MCF2L: variants seen among roughly 807,000 people sequenced by gnomAD.
The protein encoded by MCF2L is guanine nucleotide exchange factor DBS.
In MCF2L, 97 loss-of-function variants were observed where a neutral mutation model predicts 153.4. That is an observed-to-expected ratio of 0.63 (90% confidence interval 0.54 to 0.75). MCF2L has a LOEUF of 0.75. MCF2L is among the 30% of genes least tolerant of loss of function. The pLI, the probability that MCF2L is intolerant of heterozygous loss-of-function variation, is 0.00. For missense variants in MCF2L, 1,347 were observed against 1,495.2 expected (o/e 0.90, Z 1.64); for synonymous variants, 659 against 632.2 (o/e 1.04, Z -0.64).
intron 1 of MCF2L, among the ~76,000 whole-genome samples, chr13:112,996,706 G>GT (rs1489224345): frequency 1.3e-5 from 2 of 152,222 alleles, no homozygotes; most frequent in Non-Finnish European, 2.9e-5. Flanking sequence ...CCTCAGATGG[G>GT]TTCATGGCCC....
chr13:112,912,771 A>C (rs754867214), intron 2 of MCF2L, among the ~76,000 whole-genome samples: 3 of 148,392 alleles, frequency 2.0e-5, no homozygotes, highest in Non-Finnish European at 4.4e-5. Flanking sequence ...TGTGTGTCAC[A>C]TGTCTGTGTG....
chr13:113,065,340 T>C (rs1175435547), intron 7 of MCF2L: 3 of 513,708 alleles, frequency 5.8e-6, no homozygotes, highest in Non-Finnish European at 1.0e-5. Flanking sequence ...CATTCTGGCG[T>C]TGGGTCAACC....
At chr13:113,061,373 G>A (rs1473671546) in intron 5 of MCF2L, among the ~76,000 whole-genome samples, 2 of 152,132 alleles carry the variant, frequency 1.3e-5, no homozygotes, top group Non-Finnish European at 2.9e-5. Flanking sequence ...GAGCTGTGTA[G>A]CTCCCCCGGA....
At chr13:113,005,106 C>T (rs562911112) in intron 1 of MCF2L, among the ~76,000 whole-genome samples, 10 of 152,246 alleles carry the variant, frequency 6.6e-5, no homozygotes, top group South Asian at 6.2e-4. Context: ...TGGATGGGCG[C>T]GTGAAGATGA....
At chr13:113,021,773 G>T (rs1053720635) in intron 2 of MCF2L, among the ~76,000 whole-genome samples, 1 of 152,182 alleles carries the variant, frequency 6.6e-6, no homozygotes, top group Non-Finnish European at 1.5e-5. Context: ...GAGCTTTGGC[G>T]CCTGCTTTTC....
Position 113,070,263 on chromosome 13 carries a change from C to G in MCF2L, c.996+90C>G. 3 of 818,582 alleles carry G rather than the reference C, an allele frequency of 3.7e-6. No individual in the cohort carries two copies. Among genetic ancestry groups the G allele is most frequent in the South Asian group, 4.1e-5 (2 of 49,258 alleles). 50.7% of individuals were successfully genotyped at this position (818,582 alleles called of 1,614,324 possible). A position where few individuals can be genotyped will look rare whatever the true frequency, so the allele number is the denominator to read the frequency against. Reference sequence around the variant, plus strand: ...CTGGTCCCAGTGCCGGGAGCTGAGCCGTGCCACCCAGTTGACTTTGGCTTA... The same window carrying G: ...CTGGTCCCAGTGCCGGGAGCTGAGCGGTGCCACCCAGTTGACTTTGGCTTA... On this transcript the variant is annotated intron_variant, in intron 9 of 29. Transcript: ENST00000535094. This position sits in a 1 kb window ranked among gnomAD's most constrained non-coding sequence, Gnocchi z 5.6.
At chr13:112,958,655 G>A (rs1295777265) in intron 2 of MCF2L, among the ~76,000 whole-genome samples, 8 of 152,152 alleles carry the variant, frequency 5.3e-5, no homozygotes, top group Non-Finnish European at 7.3e-5. Flanking sequence ...CAGGCTGACC[G>A]CATGGACCAT....
chr13:113,003,365 G>T, intron 1 of MCF2L, among the ~76,000 whole-genome samples: 1 of 151,152 alleles, frequency 6.6e-6, no homozygotes, highest in South Asian at 2.1e-4. Context: ...TTTGGGGTGA[G>T]TAGGGGCAGG....
At chr13:112,903,832 T>C (rs1414974971) in intron 2 of MCF2L, among the ~76,000 whole-genome samples, 2 of 152,138 alleles carry the variant, frequency 1.3e-5, no homozygotes, top group Admixed American at 1.3e-4. Flanking sequence ...TGAGAAACCC[T>C]GTGAGCGAGG....
At position 113,077,045 on chromosome 13, in the gene MCF2L, G is replaced by T; in HGVS notation, c.1501-7G>T. On this transcript the variant is annotated splice_region_variant and splice_polypyrimidine_tract_variant and intron_variant, in intron 12 of 29. Coordinates refer to ENST00000535094, the MANE Select transcript of MCF2L (RefSeq NM_001112732.3). Reference sequence around the variant, plus strand: ...TGCAAGGCACCTTACTGAGCATGCGGTTTCAGGAGCACGTGCGAAAGGTCT... The same window carrying T: ...TGCAAGGCACCTTACTGAGCATGCGTTTTCAGGAGCACGTGCGAAAGGTCT... 6.2e-7 allele frequency: 1 copy of T among 1,608,326 alleles called. No individual in the cohort carries two copies. The highest frequency in any genetic ancestry group is 8.5e-7 in the Non-Finnish European group (1 of 1,176,696).
chr13:112,938,958 T>C (rs2081549178), intron 2 of MCF2L, among the ~76,000 whole-genome samples: 1 of 152,328 alleles, frequency 6.6e-6, no homozygotes, highest in Non-Finnish European at 1.5e-5. Context: ...GAACCAGACA[T>C]GTGGGCTGAG....
chr13:113,085,131 C>T lies in MCF2L; in HGVS notation c.2200C>T (p.Leu734=), dbSNP rs2034508127. The T allele has an allele frequency of 6.2e-7, 1 of 1,613,664 alleles. No individual in the cohort carries two copies. The highest frequency in any genetic ancestry group is 2.2e-5 in the East Asian group (1 of 44,884). The change falls in exon 20 of 30, where the codon CTG becomes TTG. Residue 734 remains leucine, a synonymous_variant. Coordinates refer to ENST00000535094, the MANE Select transcript of MCF2L (RefSeq NM_001112732.3). ...CCACAAGCTGAGCCTGGACTCCTACCTGCTGAAGCCAGTGCAGAGGATCAC... is the reference window on the plus strand; with the variant it reads ...CCACAAGCTGAGCCTGGACTCCTACTTGCTGAAGCCAGTGCAGAGGATCAC... ...LDHKLSLDSY[L]LKPVQRITKY...
intron 5 of MCF2L, among the ~76,000 whole-genome samples, chr13:113,061,134 A>G (rs2031337792): frequency 6.6e-6 from 1 of 152,104 alleles, no homozygotes; most frequent in Admixed American, 6.5e-5. Flanking sequence ...GGCTGTAAGC[A>G]TCTCTGGACC....
intron 1 of MCF2L, among the ~76,000 whole-genome samples, chr13:112,896,787 G>C (rs1250724621): frequency 6.6e-6 from 1 of 152,218 alleles, no homozygotes; most frequent in Non-Finnish European, 1.5e-5. Flanking sequence ...GCTCTGGGCT[G>C]CATCTTGGTG....
At chr13:113,073,072 T>G (rs1014739094) in intron 9 of MCF2L, among the ~76,000 whole-genome samples, 1 of 151,636 alleles carries the variant, frequency 6.6e-6, no homozygotes, top group Non-Finnish European at 1.5e-5. Flanking sequence ...ACTTCCTCTT[T>G]GACCCATCCA....
rs750072227 is a variant in MCF2L, at chr13:113,085,072, T to TG, written c.2155-11dup. The TG allele has an allele frequency of 1.7e-5, 27 of 1,613,538 alleles. 1 individual carries two copies. The South Asian group carries it at 2.9e-4, about 17-fold the overall frequency. ...TGAAAATTGTGCAAACCAAAGGCTC[T>TG]GGGTTGGTTCCAGGAATGCCAGAGA... On this transcript the variant is annotated splice_polypyrimidine_tract_variant and intron_variant, in intron 19 of 29. Transcript: ENST00000535094.
In MCF2L at chr13:112,921,665, G is replaced by T. The variant is rs144650533; in HGVS notation, c.169+19294G>T. On this transcript the variant is annotated intron_variant, in intron 2 of 29. Coordinates refer to the MCF2L transcript ENST00000375608. ...AACTGATTGTATTTTGGACGACAGA[G>T]ACACCCTCAAATTCCCAGGGATATG... Among the ~76,000 whole-genome samples the T allele has an allele frequency of 4.3e-4, 65 of 152,330 alleles. No homozygotes were observed. In the East Asian group the frequency reaches 5.8e-3, roughly 14 times the overall value.
At chr13:112,989,055 C>G (rs1253151087) in intron 1 of MCF2L, among the ~76,000 whole-genome samples, 21 of 77,894 alleles carry the variant, frequency 2.7e-4, no homozygotes, top group South Asian at 5.8e-4. Context: ...CTGAGCAGGA[C>G]ATGGAGCTAC....
At chr13:112,933,878 G>A (rs960897898) in intron 2 of MCF2L, among the ~76,000 whole-genome samples, 12 of 152,222 alleles carry the variant, frequency 7.9e-5, no homozygotes, top group African/African-American at 2.2e-4. Flanking sequence ...AGGAAAGGCC[G>A]CTCAGCTGGC....
Sources: gnomAD v4.1 joint callset for allele counts (sites outside exome capture counted in the v4.1 genomes callset) on GRCh38, gnomAD v4.1.1 for gene constraint, Gnocchi (gnomAD v3.1) non-coding constraint, MANE v1.5 for transcripts, NCBI Gene and HGNC (gene_info 2026-07-23, HGNC 2026-07-21) for gene names.